MSI2: variants seen among roughly 807,000 people sequenced by gnomAD.
The protein encoded by MSI2 is musashi RNA binding protein 2, also known as RNA-binding protein Musashi homolog 2.
A neutral mutation model predicts 45.6 loss-of-function variants in MSI2; 17 were observed. That is an observed-to-expected ratio of 0.37 (90% CI 0.26 to 0.56). The LOEUF (loss-of-function observed/expected upper bound fraction) is 0.56, where lower values mean the gene tolerates loss of function less well. Ranked by LOEUF, MSI2 falls within the 20% of genes least tolerant of loss-of-function variation. MSI2 has a pLI of 0.77. For missense variants in MSI2, 293 were observed against 444.2 expected (o/e 0.66, Z 3.06); for synonymous variants, 156 against 158.2 (o/e 0.99, Z 0.11).
downstream of MSI2, among the ~76,000 whole-genome samples, chr17:57,688,323 T>C (rs1425576352): frequency 6.6e-6 from 1 of 152,110 alleles, no homozygotes; most frequent in Non-Finnish European, 1.5e-5. Context: ...TTTGGCAAGA[T>C]GGCTGGATGT....
In MSI2 at chr17:57,520,940, C is replaced by T. The variant is rs113528856; in HGVS notation, c.406-8736C>T. Among the ~76,000 whole-genome samples, 759 of 151,540 alleles carry T rather than the reference C, an allele frequency of 5.0e-3. 7 individuals carry two copies. Among genetic ancestry groups the T allele is most frequent in the African/African-American group, 0.018 (737 of 41,308 alleles). On this transcript the variant is annotated intron_variant, in intron 6 of 13. Coordinates refer to ENST00000284073, the MANE Select transcript of MSI2 (RefSeq NM_138962.4). ...TCGGCCTCCCAAAGTGCTGGAATTA[C>T]AGACGTGAGCCACTGCCCCCAGCCC... is the stretch of plus-strand genomic sequence containing the variant.
chr17:57,483,602 G>A (rs2085693004), intron 6 of MSI2, among the ~76,000 whole-genome samples: 1 of 152,190 alleles, frequency 6.6e-6, no homozygotes, highest in African/African-American at 2.4e-5. Context: ...ATGAGGGAAA[G>A]ACTAAAACTT....
intron 11 of MSI2, among the ~76,000 whole-genome samples, chr17:57,673,346 G>A (rs1389789885): frequency 1.3e-5 from 2 of 152,228 alleles, no homozygotes; most frequent in South Asian, 2.1e-4. Flanking sequence ...CACCTGCATC[G>A]ATGTTCTTTG....
chr17:57,462,342 A>G (rs1428173834), intron 6 of MSI2, among the ~76,000 whole-genome samples: 1 of 152,154 alleles, frequency 6.6e-6, no homozygotes, highest in Non-Finnish European at 1.5e-5. Context: ...GGTCCCAGCC[A>G]TCCACCAGAG....
chr17:57,362,688 T>C (rs559932386), intron 5 of MSI2, among the ~76,000 whole-genome samples: 4 of 152,294 alleles, frequency 2.6e-5, no homozygotes, highest in African/African-American at 7.2e-5. Context: ...CTGTGAGCTG[T>C]GCCTTCCCCC....
chr17:57,345,704 A>G (rs1417410408), intron 5 of MSI2, among the ~76,000 whole-genome samples: 1 of 151,820 alleles, frequency 6.6e-6, no homozygotes, highest in Non-Finnish European at 1.5e-5. Context: ...CTGTAATCCC[A>G]GCTACTCGGG....
chr17:57,306,555 C>A (rs1911919578), intron 5 of MSI2, among the ~76,000 whole-genome samples: 1 of 152,118 alleles, frequency 6.6e-6, no homozygotes, highest in South Asian at 2.1e-4. Flanking sequence ...TTGGAAGATT[C>A]AAGGGTGTGA....
chr17:57,479,301 C>T (rs1158620282), intron 6 of MSI2, among the ~76,000 whole-genome samples: 1 of 152,142 alleles, frequency 6.6e-6, no homozygotes, highest in Non-Finnish European at 1.5e-5. Context: ...GCCTTGCGTA[C>T]TGGGGCATGC....
intron 6 of MSI2, among the ~76,000 whole-genome samples, chr17:57,468,067 C>T (rs1010990251): frequency 6.6e-6 from 1 of 151,904 alleles, no homozygotes; most frequent in African/African-American, 2.4e-5. Flanking sequence ...AGAGCTCAGG[C>T]TCTAGAGGCA....
intron 6 of MSI2, among the ~76,000 whole-genome samples, chr17:57,431,836 C>G (rs1184089721): frequency 1.3e-5 from 2 of 152,178 alleles, no homozygotes; most frequent in Non-Finnish European, 2.9e-5. Flanking sequence ...CTCTCTGCCC[C>G]CAGTGTCCAC....
chr17:57,268,386 A>G (rs1375267169), intron 5 of MSI2: 3 of 152,204 alleles, frequency 2.0e-5, no homozygotes, highest in Non-Finnish European at 4.4e-5. Flanking sequence ...TATCTATGGT[A>G]CAGTCAGTTG....
chr17:57,387,990 A>C (rs1466717256), intron 5 of MSI2, among the ~76,000 whole-genome samples: 1 of 152,248 alleles, frequency 6.6e-6, no homozygotes. Context: ...AGTAAAATGC[A>C]TTACAGGATC....
intron 5 of MSI2, among the ~76,000 whole-genome samples, chr17:57,378,246 G>A (rs562746856): frequency 6.6e-5 from 10 of 151,702 alleles, no homozygotes; most frequent in African/African-American, 2.2e-4. Context: ...CTCCATGTCC[G>A]GCTAAATTTT....
intron 10 of MSI2, among the ~76,000 whole-genome samples, chr17:57,645,684 C>A (rs990804179): frequency 1.3e-5 from 2 of 151,886 alleles, no homozygotes; most frequent in Non-Finnish European, 2.9e-5. Context: ...TCAGGTAGTC[C>A]TCCCGCCTCA....
chr17:57,475,377 C>A (rs1184389956), intron 6 of MSI2, among the ~76,000 whole-genome samples: 2 of 152,122 alleles, frequency 1.3e-5, no homozygotes, highest in Non-Finnish European at 2.9e-5. Context: ...CACATGCGTG[C>A]ACACAAGAGA....
Position 57,680,605 on chromosome 17 carries a change from C to A in MSI2, c.*1088C>A. The A allele has an allele frequency of 4.4e-6, 1 of 226,264 alleles. No individual in the cohort carries two copies. The highest frequency in any genetic ancestry group is 8.8e-6 in the Non-Finnish European group (1 of 113,780). The allele number at this position is 226,264 out of a possible 1,614,324, so 14.0% of individuals were successfully genotyped here. On this transcript the variant is annotated 3_prime_UTR_variant, in exon 14 of 14. Transcript: ENST00000284073. ...TAGTGTTGTACCAGCCTATTAACCT[C>A]TTGTCTGTGCACAGCTTCAAATGTT... is the stretch of plus-strand genomic sequence containing the variant.
intron 6 of MSI2, among the ~76,000 whole-genome samples, chr17:57,443,797 T>C (rs1170349045): frequency 6.6e-6 from 1 of 152,156 alleles, no homozygotes; most frequent in Non-Finnish European, 1.5e-5. Flanking sequence ...AAGGGGATCA[T>C]CATTGTCCCT....
intron 7 of MSI2, among the ~76,000 whole-genome samples, chr17:57,554,799 GA>G (rs2087392808): frequency 6.6e-6 from 1 of 152,256 alleles, no homozygotes; most frequent in Non-Finnish European, 1.5e-5. Flanking sequence ...GCTAGGGTCT[GA>G]ACAGGTGTGG....
At chr17:57,446,313 C>T (rs751189508) in intron 6 of MSI2, among the ~76,000 whole-genome samples, 4 of 152,002 alleles carry the variant, frequency 2.6e-5, no homozygotes, top group Non-Finnish European at 4.4e-5. Context: ...GGGGAGCTGG[C>T]GACAGTGAGC....
Sources: gnomAD v4.1 joint callset for allele counts (sites outside exome capture counted in the v4.1 genomes callset) on GRCh38, gnomAD v4.1.1 for gene constraint, MANE v1.5 for transcripts, NCBI Gene and HGNC (gene_info 2026-07-23, HGNC 2026-07-21) for gene names.